The following DYNC2H1 variants were observed in gnomAD, a reference collection of about 807,000 sequenced individuals.
The protein encoded by DYNC2H1 is cytoplasmic dynein 2 heavy chain 1.
Under a neutral mutation model 570.0 loss-of-function variants are expected in DYNC2H1, and 410 were observed. That is an observed-to-expected ratio of 0.72 (90% confidence interval 0.66 to 0.78). The LOEUF is 0.78. DYNC2H1 is among the 30% of genes least tolerant of loss of function. The pLI is 0.00. For missense variants in DYNC2H1, 4,865 were observed against 5,046.4 expected, an observed-to-expected ratio of 0.96 and a Z score of 1.09; for synonymous variants, 1,688 against 1,677.6, an observed-to-expected ratio of 1.01 and a Z score of -0.15.
At chr11:103,235,583 C>A in intron 61 of DYNC2H1, 89 bp from the exon 62 acceptor site, 1 of 1,244,846 alleles carries the variant, frequency 8.0e-7, no homozygotes, top group Non-Finnish European at 1.1e-6. Context: ...TGATTTTCCC[C>A]CTCACAGTCA....
intron 84 of DYNC2H1, among the ~76,000 whole-genome samples, chr11:103,428,794 G>A (rs1943776862): frequency 6.6e-6 from 1 of 152,060 alleles, no homozygotes; most frequent in Non-Finnish European, 1.5e-5. Flanking sequence ...GAACATCCAT[G>A]CTGTAGCATA....
intron 87 of DYNC2H1, among the ~76,000 whole-genome samples, chr11:103,460,111 C>T (rs1761595765): frequency 6.6e-6 from 1 of 152,018 alleles, no homozygotes; most frequent in African/African-American, 2.4e-5. Context: ...GCCTCAGCTT[C>T]TTGAGTAGCT....
chr11:103,473,471 C>T (rs1442188900), intron 88 of DYNC2H1, among the ~76,000 whole-genome samples: 1 of 151,974 alleles, frequency 6.6e-6, no homozygotes, highest in Non-Finnish European at 1.5e-5. Flanking sequence ...TAGCTTTTTC[C>T]AGTGCATTTC....
intron 82 of DYNC2H1, among the ~76,000 whole-genome samples, chr11:103,328,250 G>C (rs1938598405): frequency 6.6e-6 from 1 of 152,070 alleles, no homozygotes. Context: ...CTGTTTCACT[G>C]CTTATTTACT....
intron 83 of DYNC2H1, among the ~76,000 whole-genome samples, chr11:103,366,949 A>G (rs541182065): frequency 2.6e-5 from 4 of 152,284 alleles, no homozygotes; most frequent in South Asian, 4.1e-4. Context: ...GATGTAATTA[A>G]CAGAGAAGCT....
At chr11:103,121,528 A>G in intron 10 of DYNC2H1, 32 bp downstream of exon 10, 1 of 1,599,576 alleles carries the variant, frequency 6.3e-7, no homozygotes. Flanking sequence ...GAAGAGTACT[A>G]ATTATAAAAT....
chr11:103,348,273 T>C (rs951507910), intron 82 of DYNC2H1, among the ~76,000 whole-genome samples: 2 of 152,156 alleles, frequency 1.3e-5, no homozygotes, highest in Non-Finnish European at 2.9e-5. Context: ...TTTTAGTAAT[T>C]ATCTTTTTTT....
chr11:103,210,321 A>G (rs1381675792), intron 53 of DYNC2H1, among the ~76,000 whole-genome samples: 3 of 152,074 alleles, frequency 2.0e-5, no homozygotes, highest in Non-Finnish European at 4.4e-5. Context: ...TCTATAATTT[A>G]TATATGAAAA....
chr11:103,428,322 G>A (rs17100794), intron 84 of DYNC2H1, among the ~76,000 whole-genome samples: 7,892 of 150,982 alleles, frequency 0.052, 388 homozygotes, highest in East Asian at 0.19. Context: ...TATATCATGC[G>A]AGGCTCTGGA....
intron 12 of DYNC2H1, among the ~76,000 whole-genome samples, chr11:103,125,766 G>A (rs576467298): frequency 5.3e-4 from 80 of 152,186 alleles, no homozygotes; most frequent in African/African-American, 1.9e-3. Flanking sequence ...GGCATACAAG[G>A]CCCTTCTTAA....
chr11:103,425,342 C>G (rs1411236945), intron 84 of DYNC2H1, among the ~76,000 whole-genome samples: 3 of 152,130 alleles, frequency 2.0e-5, no homozygotes, highest in African/African-American at 7.2e-5. Context: ...AATCTAAGAT[C>G]GGGTGCCAGC....
chr11:103,298,766 C>G (rs889836721), intron 75 of DYNC2H1, among the ~76,000 whole-genome samples: 5 of 152,088 alleles, frequency 3.3e-5, no homozygotes, highest in Non-Finnish European at 7.4e-5. Flanking sequence ...TGTAATTTCT[C>G]AAGCATCATT....
At chr11:103,302,064 C>A (rs1443654526) in intron 75 of DYNC2H1, among the ~76,000 whole-genome samples, 1 of 151,888 alleles carries the variant, frequency 6.6e-6, no homozygotes, top group Non-Finnish European at 1.5e-5. Flanking sequence ...TGGAAACTTT[C>A]AAGTTTTAGC....
chr11:103,376,489 G>C (rs942931810), intron 83 of DYNC2H1, among the ~76,000 whole-genome samples: 6 of 150,798 alleles, frequency 4.0e-5, no homozygotes, highest in African/African-American at 1.5e-4. Context: ...TTCTTTCTTT[G>C]TTTTCACCAT....
At chr11:103,279,759 T>C (rs1866058548) in intron 70 of DYNC2H1, among the ~76,000 whole-genome samples, 1 of 152,204 alleles carries the variant, frequency 6.6e-6, no homozygotes, top group African/African-American at 2.4e-5. Context: ...GTTTTTTCTG[T>C]ATTATCTAAC....
intron 77 of DYNC2H1, among the ~76,000 whole-genome samples, chr11:103,306,019 C>T (rs942927842): frequency 2.6e-5 from 4 of 152,154 alleles, no homozygotes; most frequent in African/African-American, 9.7e-5. Flanking sequence ...TCAAATGATT[C>T]TCGTGCCTCA....
intron 85 of DYNC2H1, among the ~76,000 whole-genome samples, chr11:103,444,119 T>A (rs1944354437): frequency 6.6e-6 from 1 of 150,388 alleles, no homozygotes; most frequent in East Asian, 2.0e-4. Flanking sequence ...ATTTCTTGAC[T>A]AAAATGTTTC....
chr11:103,191,910 T>C lies in DYNC2H1; in HGVS notation c.7541-187T>C, dbSNP rs72989770. Among the ~76,000 whole-genome samples the C allele has an allele frequency of 0.05, 7,552 of 152,208 alleles. 254 individuals are homozygous for C. The highest frequency in any genetic ancestry group is 0.071 in the Non-Finnish European group (4,860 of 67,980). ...CTAGAGATGATAGTATTTAATGTCA[T>C]CTTTAAGTAATCACAAACATGTACC... On this transcript the variant is annotated intron_variant, in intron 46 of 88. Coordinates refer to ENST00000375735, the MANE Select transcript of DYNC2H1 (RefSeq NM_001377.3).
rs550521675 is a variant in DYNC2H1, at chr11:103,220,038, A to C, written c.8946+10A>C. 61 of 1,352,626 alleles carry C rather than the reference A, an allele frequency of 4.5e-5. 1 individual carries two copies. In the South Asian group the frequency reaches 8.2e-4, roughly 18 times the overall value. The allele number at this position is 1,352,626 out of a possible 1,614,324, so 83.8% of individuals were successfully genotyped here. A position where few individuals can be genotyped will look rare whatever the true frequency, so the allele number is the denominator to read the frequency against. ...ATTAAAAGAAGTACAAGTAAGTTAA[A>C]AAACATTCTAAGATCCATTTACATT... On this transcript the variant is annotated intron_variant, in intron 56 of 88. Coordinates refer to ENST00000375735, the MANE Select transcript of DYNC2H1 (RefSeq NM_001377.3).
Sources: gnomAD v4.1 joint callset for allele counts (sites outside exome capture counted in the v4.1 genomes callset) on GRCh38, gnomAD v4.1.1 for gene constraint, MANE v1.5 for transcripts, NCBI Gene and HGNC (gene_info 2026-07-23, HGNC 2026-07-21) for gene names.